CDH20: variants seen among roughly 807,000 people sequenced by gnomAD.
CDH20 encodes cadherin-20.
In CDH20, 29 loss-of-function variants were observed where a neutral mutation model predicts 74.2. The observed-to-expected ratio is 0.39, with a 90% CI of 0.29 to 0.53. The LOEUF is 0.53. CDH20 is among the 20% of genes least tolerant of loss of function. The pLI, the probability that CDH20 is intolerant of heterozygous loss-of-function variation, is 0.69. For missense variants in CDH20, 988 were observed against 1,048.3 expected (o/e 0.94, Z 0.79); for synonymous variants, 469 against 405.4 (o/e 1.16, Z -1.88).
chr18:61,378,993 G>A lies in CDH20; in HGVS notation c.-153+45166G>A, dbSNP rs914432020. Among the ~76,000 whole-genome samples, 7 of 151,838 alleles carry A rather than the reference G, an allele frequency of 4.6e-5. No homozygotes were observed. The South Asian group carries it at 8.3e-4, about 18-fold the overall frequency. On this transcript the variant is annotated intron_variant, in intron 1 of 11. Coordinates refer to ENST00000262717, the MANE Select transcript of CDH20 (RefSeq NM_031891.4). ...TTTTTCTCCCCTCTCGGTAGTTTTC[G>A]TATAGTATTAAAGACTTCCTGAGAT...
At chr18:61,365,158 C>T (rs1910817736) in intron 1 of CDH20, among the ~76,000 whole-genome samples, 1 of 152,178 alleles carries the variant, frequency 6.6e-6, no homozygotes, top group African/African-American at 2.4e-5. Context: ...CTTTGCTTCA[C>T]ACAGAGGAGG....
intron 1 of CDH20, among the ~76,000 whole-genome samples, chr18:61,387,583 A>G (rs1411177218): frequency 2.0e-5 from 3 of 152,240 alleles, no homozygotes; most frequent in African/African-American, 7.2e-5. Context: ...TGTGATTTAC[A>G]GAGTCAAGTG....
At chr18:61,538,647 C>G (rs561519213) in intron 8 of CDH20, among the ~76,000 whole-genome samples, 9 of 87,046 alleles carry the variant, frequency 1.0e-4, no homozygotes, top group Non-Finnish European at 1.1e-4. Context: ...GAGACGGAGT[C>G]TTACTCTTTT....
intron 1 of CDH20, among the ~76,000 whole-genome samples, chr18:61,392,383 G>T (rs953454229): frequency 6.6e-6 from 1 of 152,110 alleles, no homozygotes; most frequent in Non-Finnish European, 1.5e-5. Context: ...ATCAGTATCT[G>T]CAGATGCAGA....
At chr18:61,424,232 C>T (rs1315225624) in intron 1 of CDH20, among the ~76,000 whole-genome samples, 1 of 152,196 alleles carries the variant, frequency 6.6e-6, no homozygotes, top group Non-Finnish European at 1.5e-5. Flanking sequence ...CATTTCAAGT[C>T]CTCTCTTCTA....
intron 1 of CDH20, among the ~76,000 whole-genome samples, chr18:61,439,448 T>A (rs1483385256): frequency 1.3e-5 from 2 of 152,076 alleles, no homozygotes; most frequent in Admixed American, 6.6e-5. Context: ...TAACAAGCAA[T>A]GTCTAGATTC....
intron 6 of CDH20, among the ~76,000 whole-genome samples, chr18:61,524,594 A>G (rs1384046493): frequency 6.6e-6 from 1 of 152,230 alleles, no homozygotes; most frequent in East Asian, 1.9e-4. Flanking sequence ...GTGCATCCAT[A>G]CAACAGAATA....
intron 1 of CDH20, among the ~76,000 whole-genome samples, chr18:61,486,890 G>A (rs956785954): frequency 1.3e-5 from 2 of 152,132 alleles, no homozygotes; most frequent in African/African-American, 4.8e-5. Context: ...GGAATAATGA[G>A]GAAAGAAATC....
chr18:61,347,597 T>G (rs1265417261), intron 1 of CDH20, among the ~76,000 whole-genome samples: 1 of 151,930 alleles, frequency 6.6e-6, no homozygotes, highest in Non-Finnish European at 1.5e-5. Context: ...CATGCTTTGT[T>G]AAACGTTTCT....
At chr18:61,415,733 A>G (rs1326451193) in intron 1 of CDH20, among the ~76,000 whole-genome samples, 1 of 152,146 alleles carries the variant, frequency 6.6e-6, no homozygotes, top group Non-Finnish European at 1.5e-5. Flanking sequence ...TCTTTCCTTT[A>G]TCATTTTGGG....
intron 1 of CDH20, among the ~76,000 whole-genome samples, chr18:61,470,181 C>T (rs1910114576): frequency 6.6e-6 from 1 of 152,134 alleles, no homozygotes. Flanking sequence ...ACCAGAGCAC[C>T]CTGGGGGGTG....
chr18:61,435,999 C>G (rs116676996), intron 1 of CDH20, among the ~76,000 whole-genome samples: 3,961 of 152,188 alleles, frequency 0.026, 166 homozygotes, highest in African/African-American at 0.09. Context: ...TTTGCCTATT[C>G]TGGGCATTTC....
chr18:61,417,216 T>C (rs1467928100), intron 1 of CDH20, among the ~76,000 whole-genome samples: 2 of 151,940 alleles, frequency 1.3e-5, no homozygotes, highest in South Asian at 2.1e-4. Context: ...ATTATAGAGG[T>C]AAAATGAGGA....
Position 61,500,462 on chromosome 18 carries a change from T to C in CDH20, c.621T>C (p.Ile207=), listed in dbSNP as rs1599129219. ...ACAGTGCCAGGGTGGTGTACAGCAT[T>C]CTTCAGGGCCAGCCATATTTTTCTG... ...YGNSARVVYS[I]LQGQPYFSVD... Residue 207 remains isoleucine, a synonymous_variant, in exon 4 of 12, where the codon ATT becomes ATC. Transcript: ENST00000262717. 6.2e-7 allele frequency: 1 copy of C among 1,612,210 alleles called. No homozygotes were observed.
intron 6 of CDH20, among the ~76,000 whole-genome samples, chr18:61,515,585 A>G (rs913622848): frequency 6.6e-6 from 1 of 151,750 alleles, no homozygotes; most frequent in Non-Finnish European, 1.5e-5. Flanking sequence ...TACACCATGG[A>G]ATACTATGCA....
intron 1 of CDH20, among the ~76,000 whole-genome samples, chr18:61,387,860 T>C (rs1328133216): frequency 1.3e-5 from 2 of 152,176 alleles, no homozygotes; most frequent in African/African-American, 4.8e-5. Context: ...TAAGCCCTGA[T>C]TGTATAGGGG....
chr18:61,530,941 G>T (rs1465748923), intron 7 of CDH20, among the ~76,000 whole-genome samples: 2 of 152,200 alleles, frequency 1.3e-5, no homozygotes, highest in African/African-American at 2.4e-5. Flanking sequence ...ACCAGCTACT[G>T]CTGGCTCTGG....
intron 11 of CDH20, among the ~76,000 whole-genome samples, chr18:61,553,146 G>C (rs1287978248): frequency 6.6e-6 from 1 of 151,916 alleles, no homozygotes; most frequent in Non-Finnish European, 1.5e-5. Context: ...TTTATTAGTC[G>C]GTAATCTTTT....
chr18:61,387,368 A>T (rs1911635464), intron 1 of CDH20, among the ~76,000 whole-genome samples: 1 of 152,170 alleles, frequency 6.6e-6, no homozygotes. Flanking sequence ...AGTTGCAGCA[A>T]CATGTTCTTC....
Sources: gnomAD v4.1 joint callset for allele counts (sites outside exome capture counted in the v4.1 genomes callset) on GRCh38, gnomAD v4.1.1 for gene constraint, MANE v1.5 for transcripts, NCBI Gene and HGNC (gene_info 2026-07-23, HGNC 2026-07-21) for gene names.